Variants in IL1RAPL2 observed in about 807,000 individuals in gnomAD.
IL1RAPL2 encodes the protein X-linked interleukin-1 receptor accessory protein-like 2.
Under a neutral mutation model 44.1 loss-of-function variants are expected in IL1RAPL2, and 3 were observed. The observed-to-expected ratio is 0.07, with a 90% CI of 0.03 to 0.18. The LOEUF (loss-of-function observed/expected upper bound fraction) is 0.18, where lower values mean the gene tolerates loss of function less well. Among genes scored for constraint, IL1RAPL2 ranks in the 10% least tolerant of loss-of-function variants. The pLI, the probability that IL1RAPL2 is intolerant of heterozygous loss-of-function variation, is 1.00. For missense variants in IL1RAPL2, 391 were observed against 496.4 expected (o/e 0.79, Z 2.02); for synonymous variants, 181 against 178.8 (o/e 1.01, Z -0.10).
At chrX:105,204,660 A>G (rs1228168553) in intron 3 of IL1RAPL2, among the ~76,000 whole-genome samples, 3 of 112,093 alleles carry the variant, frequency 2.7e-5, no homozygotes, top group Non-Finnish European at 5.6e-5. Context: ...GCAATCTTCT[A>G]TATTACTATT....
intron 10 of IL1RAPL2, among the ~76,000 whole-genome samples, chrX:105,757,770 G>A (rs1569472301): frequency 9.0e-6 from 1 of 111,404 alleles, no homozygotes; most frequent in African/African-American, 3.3e-5. Flanking sequence ...TCTGAATTCC[G>A]ATTTGCGAGT....
intron 6 of IL1RAPL2, among the ~76,000 whole-genome samples, chrX:105,489,488 A>G: frequency 9.0e-6 from 1 of 111,363 alleles, no homozygotes; most frequent in Non-Finnish European, 1.9e-5. Context: ...TTTTCATGAG[A>G]CCCAAATGCA....
At chrX:105,457,055 C>CAT (rs2036060820) in intron 5 of IL1RAPL2, among the ~76,000 whole-genome samples, 2 of 108,173 alleles carry the variant, frequency 1.8e-5, no homozygotes, top group African/African-American at 6.7e-5. Context: ...CACACACACA[C>CAT]ACACACACAC....
intron 2 of IL1RAPL2, among the ~76,000 whole-genome samples, chrX:104,722,689 T>C (rs759588290): frequency 9.0e-6 from 1 of 111,611 alleles, no homozygotes; most frequent in African/African-American, 3.2e-5. Flanking sequence ...TTGGAAACTC[T>C]GTAAGAAAGC....
chrX:104,909,035 G>T (rs1357549078), intron 2 of IL1RAPL2, among the ~76,000 whole-genome samples: 1 of 110,487 alleles, frequency 9.1e-6, no homozygotes. Context: ...TGGAGGCTTT[G>T]CTCATTTCTT....
chrX:105,527,308 T>C (rs1001748437), intron 6 of IL1RAPL2, among the ~76,000 whole-genome samples: 11 of 111,172 alleles, frequency 9.9e-5, no homozygotes, highest in African/African-American at 3.6e-4. Context: ...CTCTACTATT[T>C]ATGTCTCTAT....
chrX:105,518,994 C>A (rs114649723), intron 6 of IL1RAPL2, among the ~76,000 whole-genome samples: 2,705 of 111,411 alleles, frequency 0.024, 82 homozygotes, highest in African/African-American at 0.083. Flanking sequence ...CTTCAGAGAT[C>A]ATCTAGTCTT....
At chrX:105,219,807 A>G in intron 3 of IL1RAPL2, 1 of 1,134,373 alleles carries the variant, frequency 8.8e-7, no homozygotes, top group Non-Finnish European at 1.2e-6. Context: ...GCAAGGCGGG[A>G]GCACTAAGCA....
At chrX:105,181,599 A>G (rs1223568192) in intron 2 of IL1RAPL2, among the ~76,000 whole-genome samples, 1 of 111,633 alleles carries the variant, frequency 9.0e-6, no homozygotes, top group African/African-American at 3.3e-5. Context: ...CATTTGAACA[A>G]CTTCATGCAT....
chrX:105,012,006 T>C (rs2031056932), intron 2 of IL1RAPL2, among the ~76,000 whole-genome samples: 1 of 111,435 alleles, frequency 9.0e-6, no homozygotes, highest in South Asian at 3.7e-4. Flanking sequence ...AATTAAAAGA[T>C]TCCTATGGGA....
chrX:105,493,366 A>G (rs1227456210), intron 6 of IL1RAPL2, among the ~76,000 whole-genome samples: 1 of 111,886 alleles, frequency 8.9e-6, no homozygotes, highest in Admixed American at 9.5e-5. Context: ...AGACTGTACC[A>G]TTTTACATTC....
chrX:105,387,415 A>G (rs1324165090), intron 5 of IL1RAPL2, among the ~76,000 whole-genome samples: 2 of 109,628 alleles, frequency 1.8e-5, no homozygotes, highest in Non-Finnish European at 3.8e-5. Flanking sequence ...TTGTATTTTT[A>G]GTAGAGACGG....
intron 2 of IL1RAPL2, among the ~76,000 whole-genome samples, chrX:104,885,276 A>G (rs1923200423): frequency 8.9e-6 from 1 of 111,936 alleles, no homozygotes; most frequent in South Asian, 3.8e-4. Context: ...CATCCCCAGT[A>G]TGGATCCCCA....
chrX:105,202,431 A>T (rs781973912), intron 3 of IL1RAPL2, among the ~76,000 whole-genome samples: 1 of 112,635 alleles, frequency 8.9e-6, no homozygotes, highest in South Asian at 3.6e-4. Flanking sequence ...GTAAACTCAA[A>T]ATCTTTTCAG....
At chrX:104,729,266 TC>T (rs1269759070) in intron 2 of IL1RAPL2, among the ~76,000 whole-genome samples, 3 of 111,034 alleles carry the variant, frequency 2.7e-5, no homozygotes, top group African/African-American at 6.5e-5. Flanking sequence ...GAAGCTCATA[TC>T]AAAAATTTTT....
chrX:105,382,224 A>T (rs1445289371), intron 5 of IL1RAPL2, among the ~76,000 whole-genome samples: 3 of 107,474 alleles, frequency 2.8e-5, no homozygotes, highest in Non-Finnish European at 3.8e-5. Flanking sequence ...TACTCATCTG[A>T]CAAAGGGCTA....
chrX:104,573,799 ATAATCT>A (rs1190910918), intron 1 of IL1RAPL2, among the ~76,000 whole-genome samples: 2 of 112,216 alleles, frequency 1.8e-5, no homozygotes, highest in African/African-American at 3.2e-5. Context: ...GTCCAAAGAA[ATAATCT>A]TAAGTATATT....
rs1022987533 is a variant in IL1RAPL2, at chrX:105,758,337, T to G, written c.1363+2990T>G. Among the ~76,000 whole-genome samples, 9 of 111,782 alleles carry G rather than the reference T, an allele frequency of 8.1e-5. No homozygotes were observed. The East Asian group carries it at 2.5e-3, about 32-fold the overall frequency. On this transcript the variant is annotated intron_variant, in intron 10 of 10. Coordinates refer to ENST00000372582, the MANE Select transcript of IL1RAPL2 (RefSeq NM_017416.2). ...TATCTTCAGTCTTTTTGTACTACTC[T>G]CACGGTATTCCAACTCAACCTCATC...
rs34788343 is a variant in IL1RAPL2, at chrX:105,552,105, C to CA, written c.772+67734dup. On this transcript the variant is annotated intron_variant, in intron 6 of 10. Transcript: ENST00000372582. ...TGGGCGACAGAGCCAGACTCCATTT[C>CA]AAAAAAAAAAAAAAAAGATTTCCCT... is the stretch of plus-strand genomic sequence containing the variant. 5.6e-3 allele frequency among the ~76,000 whole-genome samples: 374 copies of CA among 67,250 alleles called. 1 individual carries two copies. The highest frequency in any genetic ancestry group is 0.014 in the East Asian group (31 of 2,251). 58.4% of individuals were successfully genotyped at this position (67,250 alleles called of 115,157 possible).
Sources: gnomAD v4.1 joint callset for allele counts (sites outside exome capture counted in the v4.1 genomes callset) on GRCh38, gnomAD v4.1.1 for gene constraint, MANE v1.5 for transcripts, NCBI Gene and HGNC (gene_info 2026-07-23, HGNC 2026-07-21) for gene names.